Variants in ZNF155 observed in about 807,000 individuals in gnomAD.
The protein encoded by ZNF155 is KRAB A domain.
Under a neutral mutation model 11.9 loss-of-function variants are expected in ZNF155, and 15 were observed. That is an observed-to-expected ratio of 1.26 (90% confidence interval 0.84 to 1.94). The LOEUF (loss-of-function observed/expected upper bound fraction) is 1.94, where lower values mean the gene tolerates loss of function less well. ZNF155 is among the 30% of genes most tolerant of loss of function. ZNF155 has a pLI of 0.00. For missense variants in ZNF155, 602 were observed against 639.1 expected (o/e 0.94, Z 0.63); for synonymous variants, 212 against 219.9 (o/e 0.96, Z 0.32).
At chr19:43,989,069 T>C (rs549036643) in intron 2 of ZNF155, 1 of 152,386 alleles carries the variant, frequency 6.6e-6, no homozygotes, top group African/African-American at 2.4e-5. Context: ...TCCCACAAAA[T>C]TAATTTTGAA....
At chr19:43,987,775 G>A (rs436790) in intron 1 of ZNF155, among the ~76,000 whole-genome samples, 62,302 of 152,048 alleles carry the variant, frequency 0.41, 14,616 homozygotes, top group African/African-American at 0.64. Context: ...TATTCTATCA[G>A]TATGGACTCA....
In ZNF155 at chr19:43,996,306, G is replaced by A; in HGVS notation, c.449G>A (p.Gly150Asp). ...TIHTGQKPSQ[G>D]GKCKQSISDV... Reference sequence around the variant, plus strand: ...CATACAGGACAGAAACCTTCCCAGGGTGGGAAGTGTAAACAGTCCATCAGT... The same window carrying A: ...CATACAGGACAGAAACCTTCCCAGGATGGGAAGTGTAAACAGTCCATCAGT... The change falls in exon 5 of 5, where the codon GGT becomes GAT. Residue 150 changes from glycine (G) to aspartate (D), a missense_variant. Coordinates refer to ENST00000270014, the MANE Select transcript of ZNF155 (RefSeq NM_198089.3). 6.2e-7 allele frequency: 1 copy of A among 1,614,144 alleles called. No homozygotes were observed. Among genetic ancestry groups the A allele is most frequent in the Non-Finnish European group, 8.5e-7 (1 of 1,179,988 alleles).
rs1294152628 is a variant in ZNF155, at chr19:43,996,414, G to A, written c.557G>A (p.Cys186Tyr). Reference protein sequence around the residue: ...YTCDECGKSICYISALHVHQR... With the variant: ...YTCDECGKSIYYISALHVHQR... ...TGTGATGAGTGTGGAAAAAGCATCTGTTACATCTCAGCTCTTCATGTTCAT... is the reference window on the plus strand; with the variant it reads ...TGTGATGAGTGTGGAAAAAGCATCTATTACATCTCAGCTCTTCATGTTCAT... Residue 186 changes from cysteine (C) to tyrosine (Y), a missense_variant, in exon 5 of 5, where the codon TGT (cysteine) becomes TAT (tyrosine). Transcript: ENST00000270014. 6.2e-7 allele frequency: 1 copy of A among 1,614,208 alleles called. No individual in the cohort carries two copies. Among genetic ancestry groups the A allele is most frequent in the East Asian group, 2.2e-5 (1 of 44,882 alleles).
intron 2 of ZNF155, chr19:43,988,999 C>T (rs1278256720): frequency 1.3e-5 from 2 of 153,260 alleles, no homozygotes; most frequent in African/African-American, 4.8e-5. Context: ...ATAACTACCT[C>T]ACGCTCATAG....
At chr19:43,985,543 T>TC (rs1568486072) in intron 1 of ZNF155, among the ~76,000 whole-genome samples, 3 of 148,822 alleles carry the variant, frequency 2.0e-5, no homozygotes, top group Admixed American at 6.6e-5. Flanking sequence ...CTTTTTTTTT[T>TC]TTTTTTTTTT....
intron 4 of ZNF155, among the ~76,000 whole-genome samples, chr19:43,992,375 G>A (rs1035214652): frequency 2.0e-5 from 3 of 152,102 alleles, no homozygotes; most frequent in Admixed American, 1.3e-4. Flanking sequence ...AAACTTAGTG[G>A]ACTAAACAAA....
Position 43,996,512 on chromosome 19 carries a change from C to T in ZNF155, c.655C>T (p.Leu219=), listed in dbSNP as rs371586040. 7 of 1,614,214 alleles carry T rather than the reference C, an allele frequency of 4.3e-6. No individual in the cohort carries two copies. In the Admixed American group the frequency reaches 5.0e-5, roughly 12 times the overall value. ...CGKEFSQSSH[L]QTHQRVHTGE... ...CAAGGAATTTAGTCAAAGCTCACAT[C>T]TGCAAACTCATCAGAGAGTCCACAC... The change falls in exon 5 of 5, where the codon CTG becomes TTG. Residue 219 remains leucine (L), a synonymous_variant. Coordinates refer to ENST00000270014, the MANE Select transcript of ZNF155 (RefSeq NM_198089.3).
intron 1 of ZNF155, among the ~76,000 whole-genome samples, chr19:43,987,198 A>T (rs1006361736): frequency 1.3e-5 from 2 of 152,222 alleles, no homozygotes; most frequent in African/African-American, 4.8e-5. Flanking sequence ...ATGTTATCTC[A>T]TATGTGGTTC....
rs771385174 is a variant in ZNF155, at chr19:43,996,092, G to A, written c.236-1G>A. Reference sequence around the variant, plus strand: ...CATCTCTTAAATCTGTGTCTTTATAGGAGGCAAGATCCAAACTGAGTTGGA... The same window carrying A: ...CATCTCTTAAATCTGTGTCTTTATAAGAGGCAAGATCCAAACTGAGTTGGA... On this transcript the variant is annotated splice_acceptor_variant, in intron 4 of 4. Transcript: ENST00000270014. LOFTEE classifies it high-confidence loss of function. The A allele has an allele frequency of 9.4e-6, 15 of 1,594,048 alleles. No homozygotes were observed. The highest frequency in any genetic ancestry group is 1.3e-5 in the Non-Finnish European group (15 of 1,169,908).
intron 1 of ZNF155, among the ~76,000 whole-genome samples, chr19:43,987,674 C>T (rs914154280): frequency 6.6e-6 from 1 of 152,158 alleles, no homozygotes; most frequent in African/African-American, 2.4e-5. Context: ...AGTCAAGTTT[C>T]TTCTGGGGAG....
At position 43,997,335 on chromosome 19, in the gene ZNF155, T is replaced by C. The variant is rs747483778; in HGVS notation, c.1478T>C (p.Leu493Pro). Residue 493 changes from leucine to proline, a missense_variant, in exon 5 of 5, where the codon CTT (leucine) becomes CCT (proline). Transcript: ENST00000270014. ...AAATGTGAGGACTGTGGAAAGAGGC[T>C]TGTACACAGGACATACCGTAAAGAC... The part of the protein sequence containing the change: ...PFKCEDCGKR[L>P]VHRTYRKDQP... The C allele has an allele frequency of 6.2e-7, 1 of 1,613,832 alleles. No individual in the cohort carries two copies. The highest frequency in any genetic ancestry group is 1.1e-5 in the South Asian group (1 of 91,044).
At position 43,996,610 on chromosome 19, in the gene ZNF155, T is replaced by C. The variant is rs1315550973; in HGVS notation, c.753T>C (p.Arg251=). Reference sequence around the variant, plus strand: ...GTAGATCAGCACTTAATGTTCATCGTAAATTACACACAGGAGAGAAACCTT... The same window carrying C: ...GTAGATCAGCACTTAATGTTCATCGCAAATTACACACAGGAGAGAAACCTT... ...FSRRSALNVH[R]KLHTGEKPYI... The change falls in exon 5 of 5, where the codon CGT becomes CGC. Residue 251 remains arginine, a synonymous_variant. Transcript: ENST00000270014. The C allele has an allele frequency of 7.4e-6, 12 of 1,612,720 alleles. No individual in the cohort carries two copies. Among genetic ancestry groups the C allele is most frequent in the Non-Finnish European group, 8.5e-6 (10 of 1,179,086 alleles).
intron 4 of ZNF155, among the ~76,000 whole-genome samples, chr19:43,992,772 A>G (rs1218539106): frequency 2.0e-5 from 3 of 152,252 alleles, no homozygotes; most frequent in East Asian, 1.9e-4. Context: ...GCTGTGTAAC[A>G]TAATAGGAAG....
In ZNF155 at chr19:43,996,782, G is replaced by A; in HGVS notation, c.925G>A (p.Val309Ile). 1.9e-6 allele frequency: 3 copies of A among 1,614,064 alleles called. No homozygotes were observed. The highest frequency in any genetic ancestry group is 1.3e-5 in the African/African-American group (1 of 74,986). The change falls in exon 5 of 5, where the codon GTT becomes ATT. Residue 309 changes from valine to isoleucine, a missense_variant. Physicochemically the swap from Val to Ile is conservative, Grantham distance 29. Transcript: ENST00000270014. The stretch of plus-strand genomic sequence containing the variant: ...GTCAAGACTTAAGAGCCATTCCATG[G>A]TTCACACAGGAGAAAAACCATTTAG... ...FRSRLKSHSM[V>I]HTGEKPFRCD...
intron 2 of ZNF155, 67 bp from the exon 3 acceptor site, chr19:43,991,481 T>C: frequency 1.2e-6 from 2 of 1,611,314 alleles, no homozygotes; most frequent in Non-Finnish European, 1.7e-6. Context: ...CTTCCCCTGC[T>C]CAATGCCGCT....
At chr19:43,986,867 C>T (rs774735392) in intron 1 of ZNF155, among the ~76,000 whole-genome samples, 27 of 152,146 alleles carry the variant, frequency 1.8e-4, no homozygotes, top group Non-Finnish European at 1.6e-4. Context: ...ATACTCTTTA[C>T]CCAAATTTGC....
chr19:43,997,649 G>C lies in ZNF155; in HGVS notation c.*175G>C, dbSNP rs1033367804. On this transcript the variant is annotated 3_prime_UTR_variant, in exon 5 of 5. Coordinates refer to ENST00000270014, the MANE Select transcript of ZNF155 (RefSeq NM_198089.3). ...AGACAGCAAGGGAAGGGTCCCTGGA[G>C]ACCCCCAGCCAAACGGGTCAGTGTC... 16 of 646,494 alleles carry C rather than the reference G, an allele frequency of 2.5e-5. No homozygotes were observed. The African/African-American group carries it at 2.8e-4, about 11-fold the overall frequency. The allele number at this position is 646,494 out of a possible 1,614,324, so 40.0% of individuals were successfully genotyped here.
chr19:43,997,812 TA>T lies in ZNF155; in HGVS notation c.*343del. On this transcript the variant is annotated 3_prime_UTR_variant, in exon 5 of 5. Coordinates refer to ENST00000270014, the MANE Select transcript of ZNF155 (RefSeq NM_198089.3). ...TAGAAGAACCTCCAGCCCATTCAGG[TA>T]AAAACTCGCACAAACCTCCGGCTCA... 5.2e-6 allele frequency: 1 copy of T among 192,874 alleles called. No homozygotes were observed. Among genetic ancestry groups the T allele is most frequent in the Non-Finnish European group, 1.1e-5 (1 of 94,400 alleles). 11.9% of individuals were successfully genotyped at this position (192,874 alleles called of 1,614,324 possible).
chr19:43,997,079 G>C lies in ZNF155; in HGVS notation c.1222G>C (p.Gly408Arg). The C allele has an allele frequency of 6.2e-7, 1 of 1,613,390 alleles. No homozygotes were observed. Among genetic ancestry groups the C allele is most frequent in the Non-Finnish European group, 8.5e-7 (1 of 1,179,448 alleles). ...KSFKCEECGK[G>R]FYTNSQLSSH... is the part of the protein sequence containing the mutation. ...CTTCAAATGTGAAGAATGTGGAAAGGGATTTTATACAAATTCACAACTGTC... is the reference window on the plus strand; with the variant it reads ...CTTCAAATGTGAAGAATGTGGAAAGCGATTTTATACAAATTCACAACTGTC... The change falls in exon 5 of 5, where the codon GGA (glycine) becomes CGA (arginine). Residue 408 changes from glycine (G) to arginine (R), a missense_variant. By Grantham distance (125) the Gly-to-Arg change is moderately radical. Coordinates refer to ENST00000270014, the MANE Select transcript of ZNF155 (RefSeq NM_198089.3).
Sources: allele counts gnomAD v4.1 joint callset (sites outside exome capture counted in the v4.1 genomes callset), GRCh38; gene constraint gnomAD v4.1.1; transcripts MANE v1.5; gene names NCBI Gene and HGNC (gene_info 2026-07-23, HGNC 2026-07-21).